TNK1: variants seen among roughly 807,000 people sequenced by gnomAD.
TNK1 encodes the protein non-receptor tyrosine-protein kinase TNK1.
Under a neutral mutation model 65.2 loss-of-function variants are expected in TNK1, and 53 were observed. The observed-to-expected ratio is 0.81, with a 90% CI of 0.65 to 1.02. The LOEUF is 1.02. TNK1 is among the 50% of genes least tolerant of loss of function. The pLI is 0.00. For synonymous variants in TNK1, 353 were observed against 364.6 expected (o/e 0.97, Z 0.36); for missense variants, 837 against 878.4 (o/e 0.95, Z 0.60).
chr17:7,384,472 T>A lies in TNK1; in HGVS notation c.867-12T>A, dbSNP rs564731362. The A allele has an allele frequency of 1.2e-5, 18 of 1,523,300 alleles. No homozygotes were observed. In the South Asian group the frequency reaches 2.2e-4, roughly 19 times the overall value. The allele number at this position is 1,523,300 out of a possible 1,614,324, so 94.4% of individuals were successfully genotyped here. Reference sequence around the variant, plus strand: ...CGTGTCCCGCCCCTTTCAGCTCCACTTCCTTCGGCAGGTGTGCCCCAGAGA... The same window carrying A: ...CGTGTCCCGCCCCTTTCAGCTCCACATCCTTCGGCAGGTGTGCCCCAGAGA... On this transcript the variant is annotated splice_polypyrimidine_tract_variant and intron_variant, in intron 6 of 12. Coordinates refer to ENST00000688331, the MANE Select transcript of TNK1 (RefSeq NM_003985.6).
chr17:7,389,712 C>T lies in TNK1; in HGVS notation c.*628C>T, dbSNP rs1347650149. The stretch of plus-strand genomic sequence containing the variant: ...CCCATACCAACTGCTTCTACCCTCC[C>T]CTATTACATACATCTTTCAATGTCC... On this transcript the variant is annotated 3_prime_UTR_variant, in exon 13 of 13. Coordinates refer to ENST00000688331, the MANE Select transcript of TNK1 (RefSeq NM_003985.6). The T allele has an allele frequency of 6.0e-6, 1 of 166,890 alleles. No individual in the cohort carries two copies. Among genetic ancestry groups the T allele is most frequent in the East Asian group, 1.7e-4 (1 of 5,754 alleles). 10.3% of individuals were successfully genotyped at this position (166,890 alleles called of 1,614,324 possible).
At position 7,388,777 on chromosome 17, in the gene TNK1, G is replaced by A. The variant is rs893899844; in HGVS notation, c.1777-11G>A. 1.9e-6 allele frequency: 3 copies of A among 1,605,640 alleles called. No homozygotes were observed. The highest frequency in any genetic ancestry group is 1.3e-5 in the African/African-American group (1 of 74,890). Reference sequence around the variant, plus strand: ...GGGGCAGGGGCCTGAGTGAGGCTTTGTCTGTCACAGGTGGAGCTGAGTGTG... The same window carrying A: ...GGGGCAGGGGCCTGAGTGAGGCTTTATCTGTCACAGGTGGAGCTGAGTGTG... On this transcript the variant is annotated splice_polypyrimidine_tract_variant and intron_variant, in intron 11 of 12. Transcript: ENST00000688331. This position sits in a 1 kb window ranked among gnomAD's most constrained non-coding sequence, Gnocchi z 4.5.
At chr17:7,385,674 C>G (rs1462852807) in intron 7 of TNK1, among the ~76,000 whole-genome samples, 1 of 152,086 alleles carries the variant, frequency 6.6e-6, no homozygotes, top group South Asian at 2.1e-4. Context: ...AAGCAATTCT[C>G]CTGTTTCAGC....
chr17:7,384,805 C>A lies in TNK1; in HGVS notation c.1137+51C>A, dbSNP rs535248627. The A allele has an allele frequency of 3.7e-5, 56 of 1,532,762 alleles. 1 individual carries two copies. The South Asian group carries it at 6.8e-4, about 18-fold the overall frequency. The allele number at this position is 1,532,762 out of a possible 1,614,324, so 94.9% of individuals were successfully genotyped here. ...ACACAGTCCCTCTTCCCTCCATTCG[C>A]TCTCCCAGGGTTCCATGCGAAGACT... On this transcript the variant is annotated intron_variant, in intron 7 of 12. Coordinates refer to ENST00000688331, the MANE Select transcript of TNK1 (RefSeq NM_003985.6).
intron 7 of TNK1, among the ~76,000 whole-genome samples, chr17:7,385,628 G>A (rs1446216114): frequency 1.3e-5 from 2 of 152,024 alleles, no homozygotes; most frequent in African/African-American, 2.4e-5. Flanking sequence ...GCAGTGGTGG[G>A]ATCTTGGCTC....
chr17:7,389,108 A>G lies in TNK1; in HGVS notation c.*24A>G, dbSNP rs1905415588. The stretch of plus-strand genomic sequence containing the variant: ...GAGCTCAGCTTCTGCGGGCACAGAC[A>G]CCAGCATGAAAAGCCTAGGCCCCTG... On this transcript the variant is annotated 3_prime_UTR_variant, in exon 13 of 13. Coordinates refer to ENST00000688331, the MANE Select transcript of TNK1 (RefSeq NM_003985.6). 1.3e-6 allele frequency: 2 copies of G among 1,537,766 alleles called. No individual in the cohort carries two copies. The highest frequency in any genetic ancestry group is 1.4e-5 in the African/African-American group (1 of 72,756).
chr17:7,386,668 T>C lies in TNK1; in HGVS notation c.1232+13T>C, dbSNP rs746180136. 1 of 1,568,630 alleles carries C rather than the reference T, an allele frequency of 6.4e-7. No individual in the cohort carries two copies. Among genetic ancestry groups the C allele is most frequent in the Admixed American group, 1.9e-5 (1 of 53,638 alleles). Reference sequence around the variant, plus strand: ...TCATCGAGGGCAGGTGACAGTCCCATACCTCCCAAGCACCCTCAGGAGGAG... The same window carrying C: ...TCATCGAGGGCAGGTGACAGTCCCACACCTCCCAAGCACCCTCAGGAGGAG... On this transcript the variant is annotated intron_variant, in intron 8 of 12. Coordinates refer to ENST00000688331, the MANE Select transcript of TNK1 (RefSeq NM_003985.6).
In TNK1 at chr17:7,389,140, T is replaced by TA; in HGVS notation, c.*56_*57insA. 5 of 1,405,840 alleles carry TA rather than the reference T, an allele frequency of 3.6e-6. No homozygotes were observed. Among genetic ancestry groups the TA allele is most frequent in the Non-Finnish European group, 4.9e-6 (5 of 1,019,404 alleles). The allele number at this position is 1,405,840 out of a possible 1,614,324, so 87.1% of individuals were successfully genotyped here. A position where few individuals can be genotyped will look rare whatever the true frequency, so the allele number is the denominator to read the frequency against. On this transcript the variant is annotated 3_prime_UTR_variant, in exon 13 of 13. Transcript: ENST00000688331. ...TGAAAAGCCTAGGCCCCTGAGGGCC[T>TA]GGCCACATGGGACCAAGCGGAACCA...
rs201920258 is a variant in TNK1, at chr17:7,388,992, A to G, written c.1894A>G (p.Ser632Gly). The G allele has an allele frequency of 1.8e-4, 273 of 1,554,296 alleles. 2 individuals are homozygous for G. The East Asian group carries it at 6.5e-3, about 37-fold the overall frequency. Reference sequence around the variant, plus strand: ...ACAGGTAGATCAGCTCTTCCACCTGAGTAGCCGGTCCAGAGCTGACTGCTG... The same window carrying G: ...ACAGGTAGATCAGCTCTTCCACCTGGGTAGCCGGTCCAGAGCTGACTGCTG... ...NLKVDQLFHLSSRSRADCWRI... is the reference protein window; with the variant it reads ...NLKVDQLFHLGSRSRADCWRI... The change falls in exon 13 of 13, where the codon AGT (serine) becomes GGT (glycine). Residue 632 changes from serine (S) to glycine (G), a missense_variant. Physicochemically the swap from Ser to Gly is moderately conservative, Grantham distance 56. Transcript: ENST00000688331. The surrounding 1 kb of genome is among the most constrained non-coding windows in gnomAD (Gnocchi z 4.5).
chr17:7,388,589 G>A lies in TNK1; in HGVS notation c.1661G>A (p.Trp554Ter), dbSNP rs748449906. The A allele has an allele frequency of 1.9e-6, 3 of 1,613,924 alleles. No homozygotes were observed. In the South Asian group the frequency reaches 3.3e-5, roughly 18 times the overall value. ...CAGCCCTCTAGGGAGAGGCTTCCCT[G>A]GCCCAAAAGAAAACCCCCACACAAT... ...PSQPSRERLPWPKRKPPHNHP... is the reference protein window; with the variant it reads ...PSQPSRERLP The change falls in exon 11 of 13, where the codon TGG (tryptophan) becomes TAG (stop). Residue 554 changes from tryptophan (W) to a stop codon, truncating the protein, a stop_gained. Transcript: ENST00000688331. LOFTEE classifies it high-confidence loss of function. The surrounding 1 kb of genome is among the most constrained non-coding windows in gnomAD (Gnocchi z 4.5).
At position 7,382,602 on chromosome 17, in the gene TNK1, G is replaced by A. The variant is rs1004521378; in HGVS notation, c.-91-234G>A. Among the ~76,000 whole-genome samples, 1 of 152,172 alleles carries A rather than the reference G, an allele frequency of 6.6e-6. No homozygotes were observed. Among genetic ancestry groups the A allele is most frequent in the Non-Finnish European group, 1.5e-5 (1 of 68,034 alleles). ...TGGGTGTCCGGGTGTGTGATGTGCC[G>A]TGATATTTCAGAGTCAGGATGGTAA... On this transcript the variant is annotated intron_variant, in intron 1 of 12. Coordinates refer to ENST00000688331, the MANE Select transcript of TNK1 (RefSeq NM_003985.6). This position sits in a 1 kb window ranked among gnomAD's most constrained non-coding sequence, Gnocchi z 4.1.
rs1905039578 is a variant in TNK1 at position 7,384,223 on chromosome 17, T to C, written c.836T>C (p.Met279Thr). The C allele has an allele frequency of 4.6e-6, 7 of 1,511,624 alleles. No individual in the cohort carries two copies. Among genetic ancestry groups the C allele is most frequent in the Non-Finnish European group, 6.2e-6 (7 of 1,138,074 alleles). 93.6% of individuals were successfully genotyped at this position (1,511,624 alleles called of 1,614,324 possible). The change falls in exon 6 of 13, where the codon ATG (methionine) becomes ACG (threonine). Residue 279 changes from methionine to threonine, a missense_variant. Met to Thr is a moderately conservative substitution (Grantham distance 81). Transcript: ENST00000688331. ...PLGGARGRYV[M>T]GGPRPIPYAW... ...GGCGGTGCCCGGGGCCGCTACGTCA[T>C]GGGCGGGCCCCGCCCTATCCCCTAC...
Position 7,389,081 on chromosome 17 carries a change from C to A in TNK1, c.1983C>A (p.Pro661=). ...SAASRYVLAR[P] is the part of the protein sequence containing the mutation. ...CCAGCCGCTATGTCCTGGCCAGGCC[C>A]TGAGCTCAGCTTCTGCGGGCACAGA... is the stretch of plus-strand genomic sequence containing the variant. The change falls in exon 13 of 13, where the codon CCC becomes CCA. Residue 661 remains proline (P), a synonymous_variant. Coordinates refer to ENST00000688331, the MANE Select transcript of TNK1 (RefSeq NM_003985.6). 6.4e-7 allele frequency: 1 copy of A among 1,551,770 alleles called. No homozygotes were observed. Among genetic ancestry groups the A allele is most frequent in the East Asian group, 2.4e-5 (1 of 40,982 alleles).
rs1307144318 is a variant in TNK1, at chr17:7,389,122, C to T, written c.*38C>T. The T allele has an allele frequency of 2.0e-6, 3 of 1,514,662 alleles. No homozygotes were observed. The highest frequency in any genetic ancestry group is 3.9e-5 in the Admixed American group (2 of 50,912). The allele number at this position is 1,514,662 out of a possible 1,614,324, so 93.8% of individuals were successfully genotyped here. On this transcript the variant is annotated 3_prime_UTR_variant, in exon 13 of 13. Coordinates refer to ENST00000688331, the MANE Select transcript of TNK1 (RefSeq NM_003985.6). The stretch of plus-strand genomic sequence containing the variant: ...CGGGCACAGACACCAGCATGAAAAG[C>T]CTAGGCCCCTGAGGGCCTGGCCACA...
At position 7,382,916 on chromosome 17, in the gene TNK1, C is replaced by T; in HGVS notation, c.-11C>T. On this transcript the variant is annotated 5_prime_UTR_variant, in exon 2 of 13. Coordinates refer to ENST00000688331, the MANE Select transcript of TNK1 (RefSeq NM_003985.6). The surrounding 1 kb of genome is among the most constrained non-coding windows in gnomAD (Gnocchi z 4.1). ...AGAGTGCCATCATCCTTAGGAACTC[C>T]TTCTCCAGACATGCTTCCTGAGGCT... is the stretch of plus-strand genomic sequence containing the variant. The T allele has an allele frequency of 6.2e-7, 1 of 1,613,610 alleles. No homozygotes were observed. The highest frequency in any genetic ancestry group is 8.5e-7 in the Non-Finnish European group (1 of 1,179,658).
Position 7,383,104 on chromosome 17 carries a change from C to T in TNK1, c.163+15C>T, listed in dbSNP as rs774173462. Reference sequence around the variant, plus strand: ...GGGCCGGCCTGGTGAGGGACCCCTGCCCCGAGGCCCTGGTCTCTCTGTCCA... The same window carrying T: ...GGGCCGGCCTGGTGAGGGACCCCTGTCCCGAGGCCCTGGTCTCTCTGTCCA... On this transcript the variant is annotated intron_variant, in intron 2 of 12. Transcript: ENST00000688331. The T allele has an allele frequency of 1.9e-6, 3 of 1,613,740 alleles. No individual in the cohort carries two copies. Among genetic ancestry groups the T allele is most frequent in the East Asian group, 2.2e-5 (1 of 44,890 alleles).
Position 7,388,742 on chromosome 17 carries a change from G to A in TNK1, c.1776+38G>A, listed in dbSNP as rs368161611. The A allele has an allele frequency of 6.2e-7, 1 of 1,606,568 alleles. No individual in the cohort carries two copies. Among genetic ancestry groups the A allele is most frequent in the Non-Finnish European group, 8.5e-7 (1 of 1,175,914 alleles). The stretch of plus-strand genomic sequence containing the variant: ...TGAAATGGCCTGGTGTCCAGAAGGG[G>A]CTACAGGCAGGGGCAGGGGCCTGAG... On this transcript the variant is annotated intron_variant, in intron 11 of 12. Coordinates refer to ENST00000688331, the MANE Select transcript of TNK1 (RefSeq NM_003985.6). This position sits in a 1 kb window ranked among gnomAD's most constrained non-coding sequence, Gnocchi z 4.5.
Position 7,388,465 on chromosome 17 carries a change from T to C in TNK1, c.1537T>C (p.Ser513Pro). Reference protein sequence around the residue: ...SLGPRPTGGGSSPPEIRQARA... With the variant: ...SLGPRPTGGGPSPPEIRQARA... ...CGGTCCTCGTCCCACAGGGGGTGGT[T>C]CAAGCCCCCCTGAAATTCGACAAGC... The change falls in exon 11 of 13, where the codon TCA becomes CCA. Residue 513 changes from serine to proline, a missense_variant. Coordinates refer to ENST00000688331, the MANE Select transcript of TNK1 (RefSeq NM_003985.6). This position sits in a 1 kb window ranked among gnomAD's most constrained non-coding sequence, Gnocchi z 4.5. The C allele has an allele frequency of 1.2e-6, 2 of 1,613,696 alleles. No individual in the cohort carries two copies. Among genetic ancestry groups the C allele is most frequent in the Non-Finnish European group, 1.7e-6 (2 of 1,179,804 alleles).
rs369487684 is a variant in TNK1 at position 7,387,065 on chromosome 17, G to T, written c.1308G>T (p.Thr436=). Residue 436 remains threonine, a synonymous_variant, in exon 9 of 13, where the codon ACG becomes ACT. Coordinates refer to ENST00000688331, the MANE Select transcript of TNK1 (RefSeq NM_003985.6). The part of the protein sequence containing the change: ...KVGSFPASAV[T]LADAGGLPAT... ...GCAGCTTCCCAGCCTCGGCAGTGAC[G>T]CTGGCAGATGCGGGGGGCTTGCCAG... is the stretch of plus-strand genomic sequence containing the variant. 6.2e-7 allele frequency: 1 copy of T among 1,612,494 alleles called. No homozygotes were observed. The highest frequency in any genetic ancestry group is 1.7e-5 in the Admixed American group (1 of 59,804).
Sources: allele counts gnomAD v4.1 joint callset (sites outside exome capture counted in the v4.1 genomes callset), GRCh38; gene constraint gnomAD v4.1.1; non-coding constraint Gnocchi (gnomAD v3.1); transcripts MANE v1.5; gene names NCBI Gene and HGNC (gene_info 2026-07-23, HGNC 2026-07-21).